The following ATP10D variants were observed in gnomAD, a reference collection of about 807,000 sequenced individuals.
ATP10D encodes ATPase phospholipid transporting 10D (putative).
ATP10D carries 89 observed loss-of-function variants against 144.8 expected under a neutral mutation model. The ratio of observed to expected loss-of-function variants is 0.61; its 90% CI spans 0.52 to 0.73. The LOEUF (loss-of-function observed/expected upper bound fraction) is 0.73, where lower values mean the gene tolerates loss of function less well. Among genes scored for constraint, ATP10D ranks in the 30% least tolerant of loss-of-function variants. The pLI, the probability that ATP10D is intolerant of heterozygous loss-of-function variation, is 0.00. For missense variants in ATP10D, 1,603 were observed against 1,714.8 expected (o/e 0.93, Z 1.15); for synonymous variants, 571 against 615.1 (o/e 0.93, Z 1.06).
At chr4:47,568,558 G>A (rs1021280354) in intron 15 of ATP10D, among the ~76,000 whole-genome samples, 2 of 152,104 alleles carry the variant, frequency 1.3e-5, no homozygotes, top group African/African-American at 4.8e-5. Context: ...GAGGACTCTT[G>A]GGATTCACTG....
chr4:47,550,214 G>A (rs1439289253), intron 10 of ATP10D, among the ~76,000 whole-genome samples: 1 of 151,770 alleles, frequency 6.6e-6, no homozygotes, highest in Non-Finnish European at 1.5e-5. Flanking sequence ...CTAAACCGTG[G>A]GTTTTTAAAG....
At chr4:47,557,629 A>C in intron 11 of ATP10D, 35 bp from the exon 12 acceptor site, 1 of 1,512,418 alleles carries the variant, frequency 6.6e-7, no homozygotes, top group South Asian at 1.4e-5. Flanking sequence ...ACTGCTTTTG[A>C]CTGTATTGAG....
At chr4:47,495,964 T>C (rs1237035829) in intron 1 of ATP10D, among the ~76,000 whole-genome samples, 4 of 151,900 alleles carry the variant, frequency 2.6e-5, no homozygotes, top group Admixed American at 1.3e-4. Context: ...CGCGAACTCC[T>C]GACCTGAGGT....
chr4:47,546,559 C>A, intron 9 of ATP10D, 65 bp from the exon 10 acceptor site: 3 of 1,417,190 alleles, frequency 2.1e-6, no homozygotes, highest in Non-Finnish European at 1.0e-6. Flanking sequence ...AAGTAACTGC[C>A]TGATATATTC....
chr4:47,527,560 T>C (rs971652440), intron 5 of ATP10D, among the ~76,000 whole-genome samples: 3 of 152,170 alleles, frequency 2.0e-5, no homozygotes, highest in Non-Finnish European at 4.4e-5. Context: ...ATAGGACTTA[T>C]ATTCATAATA....
At chr4:47,565,127 T>G (rs1005370779) in intron 15 of ATP10D, among the ~76,000 whole-genome samples, 15 of 152,050 alleles carry the variant, frequency 9.9e-5, no homozygotes, top group Non-Finnish European at 2.9e-5. Flanking sequence ...CCCGGCTAAT[T>G]TTTTGTGTAT....
At position 47,554,922 on chromosome 4, in the gene ATP10D, A is replaced by T. The variant is rs767982500; in HGVS notation, c.1824+8A>T. 60 of 1,612,236 alleles carry T rather than the reference A, an allele frequency of 3.7e-5. No individual in the cohort carries two copies. Among genetic ancestry groups the T allele is most frequent in the Non-Finnish European group, 4.8e-5 (56 of 1,178,684 alleles). On this transcript the variant is annotated splice_region_variant and intron_variant, in intron 11 of 22. Transcript: ENST00000273859. ...AACCAACCCCGACAAAAGGTGAGTA[A>T]GTTCTCTAATGCAAACAAGGGTCAC...
intron 1 of ATP10D, among the ~76,000 whole-genome samples, chr4:47,501,068 G>A (rs931188866): frequency 3.2e-5 from 3 of 93,190 alleles, no homozygotes; most frequent in African/African-American, 1.3e-4. Flanking sequence ...GTGAATGTAA[G>A]CAGGGTGAGG....
chr4:47,560,527 A>C (rs553432594), intron 13 of ATP10D, among the ~76,000 whole-genome samples: 18 of 152,282 alleles, frequency 1.2e-4, no homozygotes, highest in African/African-American at 4.3e-4. Context: ...CAAAAAAAAC[A>C]TCAAAAGGTA....
At chr4:47,558,394 G>A in intron 12 of ATP10D, 121 bp downstream of exon 12, 1 of 1,343,726 alleles carries the variant, frequency 7.4e-7, no homozygotes, top group Non-Finnish European at 1.0e-6. Context: ...ATTTGGTGAA[G>A]TAGGGGGAAG....
intron 1 of ATP10D, among the ~76,000 whole-genome samples, chr4:47,495,248 C>T (rs1359143416): frequency 3.3e-5 from 5 of 151,744 alleles, no homozygotes; most frequent in Non-Finnish European, 7.4e-5. Context: ...TACCCATGGC[C>T]TTATGTGTGA....
intron 19 of ATP10D, among the ~76,000 whole-genome samples, chr4:47,577,783 A>G (rs552486322): frequency 1.3e-5 from 2 of 152,248 alleles, no homozygotes; most frequent in South Asian, 2.1e-4. Context: ...TAATCCTCTA[A>G]TATCATCCAA....
chr4:47,546,043 G>A (rs1017504166), intron 9 of ATP10D, among the ~76,000 whole-genome samples: 19 of 152,210 alleles, frequency 1.2e-4, no homozygotes, highest in African/African-American at 4.6e-4. Context: ...ACAGTTAAGT[G>A]TGATGTTAGA....
At chr4:47,524,047 C>T (rs772833099) in intron 4 of ATP10D, among the ~76,000 whole-genome samples, 5 of 152,162 alleles carry the variant, frequency 3.3e-5, no homozygotes, top group African/African-American at 4.8e-5. Flanking sequence ...CTGCCTCAGC[C>T]TCCTGAGTAG....
rs376991791 is a variant in ATP10D, at chr4:47,536,804, G to A, written c.1262G>A (p.Arg421Gln). The change falls in exon 9 of 23, where the codon CGA becomes CAA. Residue 421 changes from arginine to glutamine, a missense_variant. By Grantham distance (43) the Arg-to-Gln change is conservative. Coordinates refer to ENST00000273859, the MANE Select transcript of ATP10D (RefSeq NM_020453.4). ...AAAATGGATTCTATTGTTCAGTGCC[G>A]AGCCCTGAACATCGCCGAGGATCTG... Reference protein sequence around the residue: ...NEKMDSIVQCRALNIAEDLGQ... With the variant: ...NEKMDSIVQCQALNIAEDLGQ... 1.2e-5 allele frequency: 20 copies of A among 1,613,022 alleles called. No homozygotes were observed. The highest frequency in any genetic ancestry group is 1.2e-4 in the African/African-American group (9 of 74,954).
chr4:47,590,903 C>T (rs563848998), intron 22 of ATP10D, 139 bp from the exon 23 acceptor site: 22 of 526,960 alleles, frequency 4.2e-5, no homozygotes, highest in East Asian at 1.2e-4. Flanking sequence ...TATTAGAGTT[C>T]GGTTACCCTC....
chr4:47,534,322 A>G (rs990209938), intron 5 of ATP10D, among the ~76,000 whole-genome samples: 2 of 152,168 alleles, frequency 1.3e-5, no homozygotes, highest in African/African-American at 4.8e-5. Context: ...CCATCAAGGG[A>G]CATTTAAAGA....
chr4:47,591,580 G>C lies in ATP10D; in HGVS notation c.*199G>C, dbSNP rs1372117347. 1 of 401,922 alleles carries C rather than the reference G, an allele frequency of 2.5e-6. No homozygotes were observed. Among genetic ancestry groups the C allele is most frequent in the Non-Finnish European group, 4.4e-6 (1 of 229,618 alleles). The allele number at this position is 401,922 out of a possible 1,614,324, so 24.9% of individuals were successfully genotyped here. A position where few individuals can be genotyped will look rare whatever the true frequency, so the allele number is the denominator to read the frequency against. On this transcript the variant is annotated 3_prime_UTR_variant, in exon 23 of 23. Coordinates refer to ENST00000273859, the MANE Select transcript of ATP10D (RefSeq NM_020453.4). ...AGGGCTAGAGTTTGACCTAGAGAGA[G>C]TTTAAGGAAGTGAAATATTTAATTC...
At chr4:47,501,308 T>C (rs9991310) in intron 1 of ATP10D, among the ~76,000 whole-genome samples, 4,191 of 152,296 alleles carry the variant, frequency 0.028, 202 homozygotes, top group African/African-American at 0.095. Context: ...TATTGAATTA[T>C]AGTTCAAACA....
Sources: gnomAD v4.1 joint callset for allele counts (sites outside exome capture counted in the v4.1 genomes callset) on GRCh38, gnomAD v4.1.1 for gene constraint, MANE v1.5 for transcripts, NCBI Gene and HGNC (gene_info 2026-07-23, HGNC 2026-07-21) for gene names.